Variants in HPSE2 observed in about 807,000 individuals in gnomAD.
HPSE2 encodes the protein inactive heparanase-2.
HPSE2 carries 38 observed loss-of-function variants against 60.5 expected under a neutral mutation model. The ratio of observed to expected loss-of-function variants is 0.63; its 90% CI spans 0.48 to 0.82. The LOEUF is 0.82. HPSE2 is among the 40% of genes least tolerant of loss of function. HPSE2 has a pLI of 0.00. For missense variants in HPSE2, 713 were observed against 740.4 expected, an observed-to-expected ratio of 0.96 and a Z score of 0.43; for synonymous variants, 295 against 293.2, an observed-to-expected ratio of 1.01 and a Z score of -0.06.
At chr10:99,274,210 G>T in the HPSE2 span, among the ~76,000 whole-genome samples, 1 of 152,112 alleles carries the variant, frequency 6.6e-6, no homozygotes, top group Non-Finnish European at 1.5e-5. Context: ...AGCCAGGCGT[G>T]GTGGCCTGCG....
Position 98,770,974 on chromosome 10 carries a change from T to C in HPSE2, c.611-26918A>G, listed in dbSNP as rs77750887. On this transcript the variant is annotated intron_variant, in intron 3 of 11. Coordinates refer to ENST00000370552, the MANE Select transcript of HPSE2 (RefSeq NM_021828.5). ...GTGGTTATCTAAGAATTTAGCCAGG[T>C]AGAGGGATGCAGCTGCAATAATTCT... Among the ~76,000 whole-genome samples the C allele has an allele frequency of 7.2e-5, 11 of 152,144 alleles. No homozygotes were observed. In the East Asian group the frequency reaches 2.1e-3, roughly 29 times the overall value.
intron 3 of HPSE2, among the ~76,000 whole-genome samples, chr10:98,899,175 T>C (rs1953586701): frequency 6.6e-6 from 1 of 152,192 alleles, no homozygotes; most frequent in Non-Finnish European, 1.5e-5. Flanking sequence ...TGAAAGCAAT[T>C]GCAAACGACA....
intron 4 of HPSE2, among the ~76,000 whole-genome samples, chr10:98,729,745 C>T (rs985577841): frequency 1.4e-5 from 2 of 140,312 alleles, no homozygotes; most frequent in African/African-American, 5.2e-5. Flanking sequence ...TAATATGAGG[C>T]ATTTTATAAT....
chr10:99,232,504 A>G lies in HPSE2; in HGVS notation c.292T>C (p.Ser98Pro). The G allele has an allele frequency of 6.4e-7, 1 of 1,553,308 alleles. No individual in the cohort carries two copies. Among genetic ancestry groups the G allele is most frequent in the Non-Finnish European group, 8.7e-7 (1 of 1,148,756 alleles). ...IHDGWLDFLSSKRLVTLARGL... is the reference protein window; with the variant it reads ...IHDGWLDFLSPKRLVTLARGL... Reference sequence around the variant, plus strand: ...CGGGCCAGGGTCACCAAGCGCTTGGAGCTGCAGAGGAAGAGAATAAGAGAG... The same window carrying G: ...CGGGCCAGGGTCACCAAGCGCTTGGGGCTGCAGAGGAAGAGAATAAGAGAG... Residue 98 changes from serine (S) to proline (P), a missense_variant and splice_region_variant, in exon 2 of 12, where the codon TCC becomes CCC. By Grantham distance (74) the Ser-to-Pro change is moderately conservative. Transcript: ENST00000370552.
the HPSE2 span, among the ~76,000 whole-genome samples, chr10:99,277,365 C>T: frequency 1.3e-5 from 2 of 152,162 alleles, no homozygotes; most frequent in Non-Finnish European, 2.9e-5. Flanking sequence ...AGAGTTAGAA[C>T]CAACAAGTAA....
intron 3 of HPSE2, among the ~76,000 whole-genome samples, chr10:98,828,397 C>T (rs536040387): frequency 6.6e-6 from 1 of 152,272 alleles, no homozygotes; most frequent in African/African-American, 2.4e-5. Context: ...CTGGCTAGAA[C>T]TCATAATCGT....
the HPSE2 span, among the ~76,000 whole-genome samples, chr10:99,267,429 C>T: frequency 6.6e-6 from 1 of 151,684 alleles, no homozygotes; most frequent in African/African-American, 2.4e-5. Context: ...ATCCAACAAA[C>T]ACAAAGAAAA....
intron 3 of HPSE2, among the ~76,000 whole-genome samples, chr10:99,084,123 T>C (rs1043636826): frequency 6.6e-6 from 1 of 152,100 alleles, no homozygotes; most frequent in African/African-American, 2.4e-5. Context: ...CAAGACTTGT[T>C]TGTCTTGTGC....
rs185977199 is a variant in HPSE2, at chr10:98,826,573, G to A, written c.611-82517C>T. On this transcript the variant is annotated intron_variant, in intron 3 of 11. Coordinates refer to ENST00000370552, the MANE Select transcript of HPSE2 (RefSeq NM_021828.5). ...GACAGTGTGCCAGTTTCTAGGACCA[G>A]GCTTCTTACAAAACTGGCAGCTTCC... 7.6e-4 allele frequency among the ~76,000 whole-genome samples: 115 copies of A among 152,258 alleles called. 1 individual carries two copies. The highest frequency in any genetic ancestry group is 2.6e-3 in the African/African-American group (110 of 41,558).
At chr10:98,627,949 A>G (rs1946260490) in intron 7 of HPSE2, among the ~76,000 whole-genome samples, 1 of 152,230 alleles carries the variant, frequency 6.6e-6, no homozygotes, top group Admixed American at 6.5e-5. Flanking sequence ...AAACATAATT[A>G]TCATTCAGAG....
At chr10:98,557,461 C>A (rs1032535821) in intron 9 of HPSE2, among the ~76,000 whole-genome samples, 2 of 152,070 alleles carry the variant, frequency 1.3e-5, no homozygotes, top group African/African-American at 4.8e-5. Flanking sequence ...TTATCCCATA[C>A]AATAAAACAA....
In HPSE2 at chr10:98,852,157, GTGTGTGTGTATA is replaced by G. The variant is rs1450123726; in HGVS notation, c.611-108113_611-108102del. ...TGTGTGTGTGTGTGTGTGTGTGTGT[GTGTGTGTGTATA>G]TATGTTTGGTTTTCATCCATCCTTC... On this transcript the variant is annotated intron_variant, in intron 3 of 11. Transcript: ENST00000370552. Among the ~76,000 whole-genome samples the G allele has an allele frequency of 3.8e-4, 50 of 130,744 alleles. 1 individual carries two copies. Among genetic ancestry groups the G allele is most frequent in the South Asian group, 3.6e-3 (13 of 3,644 alleles). The allele number at this position is 130,744 out of a possible 152,430, so 85.8% of individuals were successfully genotyped here. A position where few individuals can be genotyped will look rare whatever the true frequency, so the allele number is the denominator to read the frequency against.
At chr10:98,633,360 C>G (rs1038217612) in intron 7 of HPSE2, among the ~76,000 whole-genome samples, 5 of 151,912 alleles carry the variant, frequency 3.3e-5, no homozygotes, top group African/African-American at 1.2e-4. Flanking sequence ...ATACCATGCC[C>G]AGCTAATGTT....
chr10:98,641,242 C>T (rs1443882169), intron 7 of HPSE2, among the ~76,000 whole-genome samples: 1 of 152,096 alleles, frequency 6.6e-6, no homozygotes, highest in African/African-American at 2.4e-5. Flanking sequence ...CTATTCTTCC[C>T]TTATGAAACT....
At chr10:98,711,557 GGTAAGTT>G (rs1948677105) in intron 5 of HPSE2, among the ~76,000 whole-genome samples, 1 of 151,918 alleles carries the variant, frequency 6.6e-6, no homozygotes, top group African/African-American at 2.4e-5. Flanking sequence ...TGTGACCTTG[GGTAAGTT>G]GTTTAACTTC....
chr10:98,873,863 G>A (rs1001062754), intron 3 of HPSE2, among the ~76,000 whole-genome samples: 3 of 151,932 alleles, frequency 2.0e-5, no homozygotes, highest in African/African-American at 7.2e-5. Context: ...CTTCTTCACA[G>A]CCTTGACAGC....
intron 1 of HPSE2, 122 bp from the exon 2 acceptor site, chr10:99,232,627 C>T (rs1371516080): frequency 9.8e-6 from 11 of 1,124,132 alleles, no homozygotes; most frequent in Non-Finnish European, 1.4e-5. Context: ...AGGCTCTGTG[C>T]CTGCCCCAGC....
At chr10:98,608,798 C>G (rs1157267732) in intron 9 of HPSE2, among the ~76,000 whole-genome samples, 1 of 152,130 alleles carries the variant, frequency 6.6e-6, no homozygotes, top group African/African-American at 2.4e-5. Context: ...CTTCTTTCAT[C>G]TTCCTGATGG....
intron 6 of HPSE2, among the ~76,000 whole-genome samples, chr10:98,671,618 G>GC (rs1947509767): frequency 1.3e-4 from 20 of 152,098 alleles, no homozygotes; most frequent in Admixed American, 1.3e-3. Context: ...CTTCACCCCC[G>GC]CCCCTTGTGG....
Sources: gnomAD v4.1 joint callset for allele counts (sites outside exome capture counted in the v4.1 genomes callset) on GRCh38, gnomAD v4.1.1 for gene constraint, MANE v1.5 for transcripts, NCBI Gene and HGNC (gene_info 2026-07-23, HGNC 2026-07-21) for gene names.